Variants in MPDZ observed in about 807,000 individuals in gnomAD.
MPDZ encodes multiple PDZ domain protein.
A neutral mutation model predicts 239.1 loss-of-function variants in MPDZ; 234 were observed. The observed-to-expected ratio is 0.98, with a 90% confidence interval of 0.88 to 1.09. The LOEUF (loss-of-function observed/expected upper bound fraction) is 1.09, where lower values mean the gene tolerates loss of function less well. MPDZ is among the 50% of genes least tolerant of loss of function. MPDZ has a pLI of 0.00. For synonymous variants in MPDZ, 1,048 were observed against 881.3 expected, an observed-to-expected ratio of 1.19 and a Z score of -3.35; for missense variants, 3,175 against 2,510.0, an observed-to-expected ratio of 1.26 and a Z score of -5.66.
chr9:13,193,461 G>T, intron 13 of MPDZ, 148 bp from the exon 14 acceptor site: 1 of 896,268 alleles, frequency 1.1e-6, no homozygotes, highest in Non-Finnish European at 1.6e-6. Flanking sequence ...AAAGCTTTGG[G>T]GCTTTTCCTT....
intron 21 of MPDZ, among the ~76,000 whole-genome samples, chr9:13,174,365 T>C (rs1952184448): frequency 6.6e-6 from 1 of 152,178 alleles, no homozygotes. Flanking sequence ...AATAAATGTT[T>C]GCTAGTTGAG....
At chr9:13,270,964 TG>T (rs1212169379) in intron 1 of MPDZ, among the ~76,000 whole-genome samples, 1 of 152,058 alleles carries the variant, frequency 6.6e-6, no homozygotes, top group Non-Finnish European at 1.5e-5. Context: ...AACATGCAAG[TG>T]GGTGAGGAAT....
At chr9:13,113,880 A>C in intron 41 of MPDZ, 51 bp downstream of exon 41, 1 of 1,378,536 alleles carries the variant, frequency 7.3e-7, no homozygotes, top group Non-Finnish European at 1.0e-6. Context: ...CAAAAAAATC[A>C]GTGTTGACAG....
chr9:13,199,730 T>C (rs528704355), intron 12 of MPDZ, among the ~76,000 whole-genome samples: 105 of 152,122 alleles, frequency 6.9e-4, no homozygotes, highest in African/African-American at 2.5e-3. Context: ...TTTTATTGAA[T>C]GCTTCTTCAG....
chr9:13,117,964 C>T (rs1943740307), intron 39 of MPDZ, among the ~76,000 whole-genome samples: 1 of 151,738 alleles, frequency 6.6e-6, no homozygotes, highest in African/African-American at 2.4e-5. Flanking sequence ...CCTGCCTCAG[C>T]CTCCTGAGTA....
intron 23 of MPDZ, among the ~76,000 whole-genome samples, chr9:13,161,651 CT>C (rs1352923015): frequency 6.6e-6 from 1 of 152,080 alleles, no homozygotes; most frequent in African/African-American, 2.4e-5. Flanking sequence ...CTACCACATG[CT>C]TACAAGAAAT....
intron 12 of MPDZ, 90 bp from the exon 13 acceptor site, chr9:13,196,320 C>T (rs1000022952): frequency 8.7e-6 from 7 of 804,460 alleles, no homozygotes; most frequent in East Asian, 2.7e-5. Flanking sequence ...GATCAGAACC[C>T]GCTGTATCAC....
chr9:13,224,713 T>C, intron 3 of MPDZ, 130 bp from the exon 4 acceptor site: 1 of 646,804 alleles, frequency 1.5e-6, no homozygotes, highest in Non-Finnish European at 2.6e-6. Context: ...AGCAATTCTA[T>C]TTTGGGAAAT....
At position 13,165,383 on chromosome 9, in the gene MPDZ, G is replaced by A. The variant is rs1002601206; in HGVS notation, c.3255-2588C>T. 2.3e-5 allele frequency: 36 copies of A among 1,549,442 alleles called. No homozygotes were observed. In the African/African-American group the frequency reaches 2.6e-4, roughly 11 times the overall value. ...GATACTCACACATAAAAGGGGGCTC[G>A]ATCGTCAGCAGGTGCTGCAGAAAAT... On this transcript the variant is annotated intron_variant, in intron 22 of 46. Coordinates refer to ENST00000319217, the MANE Select transcript of MPDZ (RefSeq NM_001378778.1).
intron 3 of MPDZ, among the ~76,000 whole-genome samples, chr9:13,226,003 A>AT (rs530836068): frequency 4.6e-5 from 7 of 152,060 alleles, no homozygotes; most frequent in Non-Finnish European, 7.4e-5. Context: ...CCTTCTAGTG[A>AT]ATTATGAAAC....
chr9:13,116,147 T>C (rs910216146), intron 39 of MPDZ, among the ~76,000 whole-genome samples: 3 of 152,014 alleles, frequency 2.0e-5, no homozygotes, highest in African/African-American at 7.2e-5. Context: ...CTGAAGACAA[T>C]CTTTCTTGCA....
At chr9:13,112,209 T>C in intron 42 of MPDZ, 63 bp from the exon 43 acceptor site, 1 of 1,496,278 alleles carries the variant, frequency 6.7e-7, no homozygotes, top group South Asian at 1.4e-5. Context: ...TTTTGTTTAT[T>C]CTTTGGCATG....
At chr9:13,135,157 T>A (rs1350588819) in intron 31 of MPDZ, 1 of 152,238 alleles carries the variant, frequency 6.6e-6, no homozygotes, top group Admixed American at 6.5e-5. Flanking sequence ...TTTTTGCAAA[T>A]ATCTTTCTGT....
chr9:13,166,774 GA>G (rs1216322898), intron 22 of MPDZ, among the ~76,000 whole-genome samples: 1 of 152,076 alleles, frequency 6.6e-6, no homozygotes, highest in African/African-American at 2.4e-5. Flanking sequence ...ATCAGTGGGA[GA>G]GGGGAAACGG....
intron 31 of MPDZ, chr9:13,135,715 A>T (rs1194400959): frequency 6.4e-6 from 1 of 157,180 alleles, no homozygotes; most frequent in Non-Finnish European, 1.4e-5. Context: ...AGCTTCCTGC[A>T]TTGGCCAAAG....
chr9:13,223,517 C>G, intron 5 of MPDZ, 54 bp downstream of exon 5: 1 of 1,539,004 alleles, frequency 6.5e-7, no homozygotes. Context: ...GCATAGTAAC[C>G]AAAACCTTCA....
intron 18 of MPDZ, among the ~76,000 whole-genome samples, chr9:13,184,109 T>G (rs1191723713): frequency 6.6e-6 from 1 of 152,048 alleles, no homozygotes; most frequent in East Asian, 1.9e-4. Context: ...TGTGATTTCA[T>G]GCTAAAATTA....
chr9:13,263,821 T>G (rs1352132016), intron 1 of MPDZ, among the ~76,000 whole-genome samples: 1 of 152,226 alleles, frequency 6.6e-6, no homozygotes, highest in Admixed American at 6.5e-5. Context: ...AGTATAAATA[T>G]AAACCTGTTT....
chr9:13,140,186 T>C (rs372751930), intron 27 of MPDZ, 37 bp from the exon 28 acceptor site: 2 of 1,571,254 alleles, frequency 1.3e-6, no homozygotes, highest in African/African-American at 1.4e-5. Flanking sequence ...GTTTGTACAG[T>C]CTAAGGAAGA....
Sources: gnomAD v4.1 joint callset for allele counts (sites outside exome capture counted in the v4.1 genomes callset) on GRCh38, gnomAD v4.1.1 for gene constraint, MANE v1.5 for transcripts, NCBI Gene and HGNC (gene_info 2026-07-23, HGNC 2026-07-21) for gene names.